Variants in DENND4C observed in about 807,000 individuals in gnomAD.
DENND4C encodes DENN domain-containing protein 4C.
In DENND4C, 108 loss-of-function variants were observed where a neutral mutation model predicts 203.0. The observed-to-expected ratio is 0.53, with a 90% confidence interval of 0.46 to 0.62. The LOEUF (loss-of-function observed/expected upper bound fraction) is 0.62, where lower values mean the gene tolerates loss of function less well. Ranked by LOEUF, DENND4C falls within the 20% of genes least tolerant of loss-of-function variation. DENND4C has a pLI of 0.00. For missense variants in DENND4C, 2,481 were observed against 2,301.2 expected, an observed-to-expected ratio of 1.08 and a Z score of -1.60; for synonymous variants, 871 against 792.4, an observed-to-expected ratio of 1.10 and a Z score of -1.67.
At chr9:19,345,875 A>G (rs750696419) in intron 22 of DENND4C, 46 bp from the exon 23 acceptor site, 5 of 1,454,846 alleles carry the variant, frequency 3.4e-6, no homozygotes, top group Non-Finnish European at 3.7e-6. Context: ...AATAAAAGTT[A>G]ACTTGGAAAA....
chr9:19,352,053 C>CG lies in DENND4C; in HGVS notation c.4496-19dup. ...AGGACATTCCTTACTTAAGGTATTA[C>CG]GATGTATATTCCTTTGTAGGTGAAG... On this transcript the variant is annotated intron_variant, in intron 24 of 32. Transcript: ENST00000434457. The CG allele has an allele frequency of 6.3e-7, 1 of 1,578,288 alleles. No homozygotes were observed. The highest frequency in any genetic ancestry group is 1.1e-5 in the South Asian group (1 of 90,238).
intron 28 of DENND4C, among the ~76,000 whole-genome samples, chr9:19,359,073 A>AT (rs1825941297): frequency 6.6e-6 from 1 of 151,718 alleles, no homozygotes; most frequent in African/African-American, 2.4e-5. Context: ...TCTCTGTTAG[A>AT]TTTTCAAAAG....
intron 26 of DENND4C, among the ~76,000 whole-genome samples, 186 bp from the exon 27 acceptor site, chr9:19,356,786 T>TGAGA (rs1390196943): frequency 1.7e-5 from 2 of 118,768 alleles, no homozygotes; most frequent in African/African-American, 7.2e-5. Flanking sequence ...TGTGTGTGTG[T>TGAGA]GTGAGAGAGA....
intron 1 of DENND4C, among the ~76,000 whole-genome samples, chr9:19,232,477 T>A (rs1316827788): frequency 6.6e-6 from 1 of 152,224 alleles, no homozygotes; most frequent in East Asian, 1.9e-4. Flanking sequence ...ACTTACTGAT[T>A]TGGGTAATAG....
At chr9:19,272,346 G>A (rs1831879716) in intron 1 of DENND4C, among the ~76,000 whole-genome samples, 1 of 151,846 alleles carries the variant, frequency 6.6e-6, no homozygotes, top group African/African-American at 2.4e-5. Context: ...CTTGAACCTG[G>A]GAGGCAGAGG....
At chr9:19,304,321 A>G (rs919519975) in intron 9 of DENND4C, among the ~76,000 whole-genome samples, 20 of 151,070 alleles carry the variant, frequency 1.3e-4, no homozygotes, top group African/African-American at 4.6e-4. Flanking sequence ...AGTAGCTGGG[A>G]TTACAGACAT....
chr9:19,368,634 AAAAAAT>A lies in DENND4C; in HGVS notation c.5525-1191_5525-1186del, dbSNP rs539286015. 1.5e-4 allele frequency among the ~76,000 whole-genome samples: 23 copies of A among 152,148 alleles called. No individual in the cohort carries two copies. In the South Asian group the frequency reaches 4.8e-3, roughly 32 times the overall value. ...CAACATAGTGGGAGCCCATCTCTACAAAAAATAAAAATAAAAAATTAGCTAGATGTG... is the reference window on the plus strand; with the variant it reads ...CAACATAGTGGGAGCCCATCTCTACAAAAAATAAAAAATTAGCTAGATGTG... On this transcript the variant is annotated intron_variant, in intron 30 of 32. Coordinates refer to ENST00000434457, the MANE Select transcript of DENND4C (RefSeq NM_001330640.2).
Position 19,346,968 on chromosome 9 carries a change from A to G in DENND4C, c.4199A>G (p.Asp1400Gly), listed in dbSNP as rs533449229. Residue 1400 changes from aspartate to glycine, a missense_variant, in exon 23 of 33, where the codon GAT becomes GGT. Physicochemically the swap from Asp to Gly is moderately conservative, Grantham distance 94 (BLOSUM62 -1). Around this residue, in one of 3 missense-constraint regions of DENND4C, gnomAD observed 2,289 missense variants for 2,113.3 expected, o/e 1.08. Transcript: ENST00000434457. Reference sequence around the variant, plus strand: ...AATTCTTTGTCAGGGCTAAAGCTGGATAATATACTCTCAGGGCCCAAGATA... The same window carrying G: ...AATTCTTTGTCAGGGCTAAAGCTGGGTAATATACTCTCAGGGCCCAAGATA... ...VVNSLSGLKL[D>G]NILSGPKIDV... 1.2e-6 allele frequency: 2 copies of G among 1,614,164 alleles called. No individual in the cohort carries two copies. Among genetic ancestry groups the G allele is most frequent in the South Asian group, 1.1e-5 (1 of 91,088 alleles).
intron 8 of DENND4C, among the ~76,000 whole-genome samples, 183 bp from the exon 9 acceptor site, chr9:19,300,004 C>T (rs1256679354): frequency 6.6e-6 from 1 of 152,176 alleles, no homozygotes; most frequent in African/African-American, 2.4e-5. Context: ...CTTTTATTAC[C>T]AGAGGATGAG....
intron 30 of DENND4C, among the ~76,000 whole-genome samples, chr9:19,368,454 T>G (rs1372790765): frequency 7.9e-5 from 12 of 152,134 alleles, no homozygotes; most frequent in Admixed American, 7.9e-4. Flanking sequence ...TAATTAGCAC[T>G]AGACTCTGCT....
At chr9:19,312,735 G>C (rs923552606) in intron 10 of DENND4C, among the ~76,000 whole-genome samples, 3 of 152,130 alleles carry the variant, frequency 2.0e-5, no homozygotes, top group Non-Finnish European at 4.4e-5. Flanking sequence ...AATTAAGGCT[G>C]TGTTATGAGG....
intron 2 of DENND4C, among the ~76,000 whole-genome samples, chr9:19,284,559 T>C (rs997665476): frequency 6.6e-6 from 1 of 152,160 alleles, no homozygotes; most frequent in Non-Finnish European, 1.5e-5. Context: ...GTTTGTGCCA[T>C]TTTATATTCT....
rs766999658 is a variant in DENND4C, at chr9:19,358,056, C to T, written c.5056C>T (p.Arg1686Ter). Reference protein sequence around the residue: ...SLSKRNVSLTRSHSVGGPLQN... With the variant: ...SLSKRNVSLT ...ATCAAAGCGAAATGTGTCTTTGACT[C>T]GAAGTCACAGTGTTGGAGGCCCATT... The change falls in exon 28 of 33, where the codon CGA (arginine) becomes TGA (stop). Residue 1686 changes from arginine to a stop codon, truncating the protein, a stop_gained. Transcript: ENST00000434457. LOFTEE classifies it high-confidence loss of function. This position sits in a 1 kb window ranked among gnomAD's most constrained non-coding sequence, Gnocchi z 4.8. 6.2e-7 allele frequency: 1 copy of T among 1,613,892 alleles called. No individual in the cohort carries two copies. The highest frequency in any genetic ancestry group is 1.1e-5 in the South Asian group (1 of 91,054).
intron 2 of DENND4C, among the ~76,000 whole-genome samples, chr9:19,281,855 G>A (rs1362272422): frequency 1.3e-5 from 2 of 152,168 alleles, no homozygotes; most frequent in Non-Finnish European, 2.9e-5. Context: ...GATACTGTAG[G>A]CAACTTACAC....
chr9:19,315,774 C>T (rs10733363), intron 10 of DENND4C, among the ~76,000 whole-genome samples: 72,715 of 150,676 alleles, frequency 0.48, 18,226 homozygotes, highest in South Asian at 0.59. Flanking sequence ...AGCGCAATCT[C>T]GGCTCACTGC....
Position 19,358,045 on chromosome 9 carries a change from T to C in DENND4C, c.5045T>C (p.Val1682Ala), listed in dbSNP as rs147122456. 64 of 1,613,802 alleles carry C rather than the reference T, an allele frequency of 4.0e-5. No homozygotes were observed. In the African/African-American group the frequency reaches 8.1e-4, roughly 21 times the overall value. Residue 1682 changes from valine to alanine, a missense_variant, in exon 28 of 33, where the codon GTG (valine) becomes GCG (alanine). Coordinates refer to ENST00000434457, the MANE Select transcript of DENND4C (RefSeq NM_001330640.2). The surrounding 1 kb of genome is among the most constrained non-coding windows in gnomAD (Gnocchi z 4.8). Reference sequence around the variant, plus strand: ...CCTAATAGTTTATCAAAGCGAAATGTGTCTTTGACTCGAAGTCACAGTGTT... The same window carrying C: ...CCTAATAGTTTATCAAAGCGAAATGCGTCTTTGACTCGAAGTCACAGTGTT... ...SVPNSLSKRNVSLTRSHSVGG... is the reference protein window; with the variant it reads ...SVPNSLSKRNASLTRSHSVGG...
At chr9:19,349,024 T>C (rs530081419) in intron 23 of DENND4C, among the ~76,000 whole-genome samples, 1 of 152,270 alleles carries the variant, frequency 6.6e-6, no homozygotes, top group Admixed American at 6.5e-5. Context: ...CAAGCTGGTC[T>C]TGGACTCCTG....
At chr9:19,322,371 A>G (rs1667382887) in intron 12 of DENND4C, among the ~76,000 whole-genome samples, 1 of 152,198 alleles carries the variant, frequency 6.6e-6, no homozygotes, top group Non-Finnish European at 1.5e-5. Flanking sequence ...AGGGGTTGAG[A>G]GTATTGACAA....
chr9:19,310,312 G>A (rs998873899), intron 10 of DENND4C, among the ~76,000 whole-genome samples: 2 of 152,146 alleles, frequency 1.3e-5, no homozygotes, highest in African/African-American at 4.8e-5. Context: ...ATCTTGTCTT[G>A]TTTCTAATTT....
Sources: gnomAD v4.1 joint callset for allele counts (sites outside exome capture counted in the v4.1 genomes callset) on GRCh38, gnomAD v4.1.1 for gene constraint, gnomAD v4.1.1 regional missense constraint, Gnocchi (gnomAD v3.1) non-coding constraint, MANE v1.5 for transcripts, NCBI Gene and HGNC (gene_info 2026-07-23, HGNC 2026-07-21) for gene names.